The following VAT1L variants were observed in gnomAD, a reference collection of about 807,000 sequenced individuals.
VAT1L encodes the protein putative NADPH-dependent quinone oxidoreductase VAT1L.
A neutral mutation model predicts 44.1 loss-of-function variants in VAT1L; 34 were observed. That is an observed-to-expected ratio of 0.77 (90% CI 0.59 to 1.03). The LOEUF (loss-of-function observed/expected upper bound fraction) is 1.03. Ranked by LOEUF, VAT1L falls within the 50% of genes least tolerant of loss-of-function variation. The pLI, the probability that VAT1L is intolerant of heterozygous loss-of-function variation, is 0.00. For synonymous variants in VAT1L, 253 were observed against 202.2 expected, an observed-to-expected ratio of 1.25 and a Z score of -2.13; for missense variants, 615 against 538.8, an observed-to-expected ratio of 1.14 and a Z score of -1.40.
intron 7 of VAT1L, chr16:77,892,420 C>T: frequency 2.2e-6 from 1 of 454,586 alleles, no homozygotes; most frequent in Non-Finnish European, 4.3e-6. Context: ...ACTGCTGCTG[C>T]ACCATGGTCA....
At chr16:77,929,058 GC>G (rs1383247127) in intron 7 of VAT1L, among the ~76,000 whole-genome samples, 1 of 152,066 alleles carries the variant, frequency 6.6e-6, no homozygotes, top group Non-Finnish European at 1.5e-5. Context: ...CTCGTGATCC[GC>G]CCCCTTGGCC....
intron 7 of VAT1L, among the ~76,000 whole-genome samples, chr16:77,923,130 G>A (rs2017630016): frequency 6.6e-6 from 1 of 152,160 alleles, no homozygotes; most frequent in African/African-American, 2.4e-5. Context: ...CTCGGCTTCT[G>A]GAGGACAATT....
intron 1 of VAT1L, among the ~76,000 whole-genome samples, chr16:77,811,575 T>C (rs1416348183): frequency 1.3e-5 from 2 of 152,162 alleles, no homozygotes; most frequent in Non-Finnish European, 2.9e-5. Context: ...CTATATAACC[T>C]TGGACAAGGT....
intron 7 of VAT1L, among the ~76,000 whole-genome samples, chr16:77,903,103 A>G (rs1328056307): frequency 6.6e-6 from 1 of 152,080 alleles, no homozygotes; most frequent in Non-Finnish European, 1.5e-5. Context: ...AGAATAGTCC[A>G]TCTTTGTTTT....
chr16:77,809,140 G>A (rs926621821), intron 1 of VAT1L, among the ~76,000 whole-genome samples: 2 of 152,206 alleles, frequency 1.3e-5, no homozygotes, highest in Admixed American at 6.5e-5. Flanking sequence ...TGTAAGCCAG[G>A]TAAAACCAAC....
chr16:77,863,244 C>T (rs1852262921), intron 4 of VAT1L, among the ~76,000 whole-genome samples: 1 of 152,192 alleles, frequency 6.6e-6, no homozygotes, highest in Non-Finnish European at 1.5e-5. Context: ...GAGACCCAGG[C>T]TCTTTTCATC....
intron 7 of VAT1L, among the ~76,000 whole-genome samples, chr16:77,895,099 C>CA (rs1414990875): frequency 0.018 from 1,602 of 89,830 alleles, 25 homozygotes; most frequent in African/African-American, 0.045. Flanking sequence ...CAGCCACTTG[C>CA]CCACACACAC....
At chr16:77,938,498 GATTAGC>G (rs2017832199) in intron 7 of VAT1L, among the ~76,000 whole-genome samples, 1 of 152,192 alleles carries the variant, frequency 6.6e-6, no homozygotes, top group South Asian at 2.1e-4. Flanking sequence ...GGATCATGGG[GATTAGC>G]ACCATTCCCT....
chr16:77,842,961 A>G (rs905858133), intron 3 of VAT1L, among the ~76,000 whole-genome samples: 2 of 152,116 alleles, frequency 1.3e-5, no homozygotes, highest in Non-Finnish European at 2.9e-5. Context: ...TCTGCTCACA[A>G]CTCTGTGAGG....
chr16:77,878,628 T>G (rs1053412981), intron 5 of VAT1L, among the ~76,000 whole-genome samples: 5 of 152,142 alleles, frequency 3.3e-5, no homozygotes, highest in African/African-American at 1.2e-4. Flanking sequence ...AGCTGACACA[T>G]GGATCACACC....
In VAT1L at chr16:77,971,861, C is replaced by T; in HGVS notation, c.1089C>T (p.Ala363=). Residue 363 remains alanine (A), a synonymous_variant, in exon 8 of 9, where the codon GCC becomes GCT. Transcript: ENST00000302536. ...ACCTTTTCGCGCAGGTGAAGGAGGC[C>T]ATGCAGCGGATTCACGACCGAGGGA... ...SLWALEEVKE[A]MQRIHDRGNI... is the part of the protein sequence containing the mutation. 1 of 1,613,688 alleles carries T rather than the reference C, an allele frequency of 6.2e-7. No individual in the cohort carries two copies. The highest frequency in any genetic ancestry group is 8.5e-7 in the Non-Finnish European group (1 of 1,179,772).
At chr16:77,840,283 G>T (rs1301105497) in intron 3 of VAT1L, among the ~76,000 whole-genome samples, 3 of 152,198 alleles carry the variant, frequency 2.0e-5, no homozygotes, top group Non-Finnish European at 4.4e-5. Context: ...CAGGGAGGCA[G>T]GTAGTCAGGG....
intron 7 of VAT1L, among the ~76,000 whole-genome samples, chr16:77,937,509 C>A (rs775564062): frequency 6.6e-6 from 1 of 152,286 alleles, no homozygotes; most frequent in East Asian, 1.9e-4. Flanking sequence ...CCTTTGTGGC[C>A]GAGCTGTTTT....
At chr16:77,946,964 A>G (rs1388749879) in intron 7 of VAT1L, among the ~76,000 whole-genome samples, 5 of 152,148 alleles carry the variant, frequency 3.3e-5, no homozygotes, top group African/African-American at 4.8e-5. Flanking sequence ...TCAACCCCTT[A>G]CTTTAATTCC....
At chr16:77,954,549 C>T (rs564033901) in intron 7 of VAT1L, among the ~76,000 whole-genome samples, 12 of 152,184 alleles carry the variant, frequency 7.9e-5, no homozygotes, top group African/African-American at 2.6e-4. Context: ...CGCTTGAACC[C>T]GGGAGGCAGA....
At chr16:77,815,149 T>C (rs2016329421) in intron 1 of VAT1L, among the ~76,000 whole-genome samples, 1 of 152,190 alleles carries the variant, frequency 6.6e-6, no homozygotes, top group Non-Finnish European at 1.5e-5. Flanking sequence ...CCATGTTAAA[T>C]TATTAACATT....
chr16:77,818,156 G>A (rs562388396), intron 2 of VAT1L, among the ~76,000 whole-genome samples: 1 of 152,210 alleles, frequency 6.6e-6, no homozygotes, highest in East Asian at 1.9e-4. Flanking sequence ...AATAAATGCA[G>A]GACAGGAGAG....
intron 7 of VAT1L, among the ~76,000 whole-genome samples, chr16:77,918,476 G>A (rs982526241): frequency 5.3e-5 from 8 of 151,906 alleles, no homozygotes; most frequent in African/African-American, 1.5e-4. Context: ...TCATCCTGCC[G>A]TTAGACTCCT....
chr16:77,934,082 G>C (rs962843235), intron 7 of VAT1L, among the ~76,000 whole-genome samples: 1 of 152,172 alleles, frequency 6.6e-6, no homozygotes, highest in African/African-American at 2.4e-5. Flanking sequence ...TAATTAGGGA[G>C]CTACTGAAGT....
Sources: allele counts gnomAD v4.1 joint callset (sites outside exome capture counted in the v4.1 genomes callset), GRCh38; gene constraint gnomAD v4.1.1; transcripts MANE v1.5; gene names NCBI Gene and HGNC (gene_info 2026-07-23, HGNC 2026-07-21).